Variants in PDE4D observed in about 807,000 individuals in gnomAD.
PDE4D encodes the protein 3',5'-cyclic-AMP phosphodiesterase 4D.
A neutral mutation model predicts 87.4 loss-of-function variants in PDE4D; 24 were observed. That is an observed-to-expected ratio of 0.27 (90% CI 0.20 to 0.39). The LOEUF is 0.39. PDE4D is among the 10% of genes least tolerant of loss of function. The pLI, the probability that PDE4D is intolerant of heterozygous loss-of-function variation, is 1.00. For synonymous variants in PDE4D, 384 were observed against 383.2 expected (o/e 1.00, Z -0.02); for missense variants, 714 against 1,041.0 (o/e 0.69, Z 4.32).
At chr5:58,989,441 G>A (rs979055144) in intron 10 of PDE4D, among the ~76,000 whole-genome samples, 15 of 151,522 alleles carry the variant, frequency 9.9e-5, no homozygotes, top group South Asian at 4.2e-4. Flanking sequence ...AATAAAAGCC[G>A]TCAGACTAGA....
chr5:59,631,198 T>A (rs1002644530), intron 1 of PDE4D, among the ~76,000 whole-genome samples: 1 of 152,190 alleles, frequency 6.6e-6, no homozygotes, highest in Admixed American at 6.5e-5. Context: ...TTATTACAAC[T>A]GCCATCTTCC....
intron 1 of PDE4D, among the ~76,000 whole-genome samples, chr5:59,875,247 G>A (rs957713348): frequency 1.3e-5 from 2 of 151,862 alleles, no homozygotes; most frequent in African/African-American, 4.8e-5. Context: ...GGATCACGAG[G>A]TCAAGAGATT....
Position 59,038,858 on chromosome 5 carries a change from C to T in PDE4D, c.921+1G>A. ...CCAGTGACAGCAGAACCGGGGCTTA[C>T]CTTGTTGGAGGCCATCTCACTGACG... On this transcript the variant is annotated splice_donor_variant, in intron 6 of 14. Transcript: ENST00000340635. LOFTEE classifies it high-confidence loss of function. 6.5e-7 allele frequency: 1 copy of T among 1,545,288 alleles called. No individual in the cohort carries two copies.
chr5:60,337,374 T>TACACACAC (rs1308199009), intron 1 of PDE4D, among the ~76,000 whole-genome samples: 9 of 118,144 alleles, frequency 7.6e-5, no homozygotes, highest in African/African-American at 3.1e-4. Flanking sequence ...TATATATATA[T>TACACACAC]ATATATATAT....
intron 5 of PDE4D, among the ~76,000 whole-genome samples, chr5:59,040,421 C>T (rs189957622): frequency 3.0e-4 from 45 of 152,360 alleles, no homozygotes; most frequent in East Asian, 2.9e-3. Context: ...CTGCATACTA[C>T]TCCTTTCCCC....
chr5:59,939,889 G>A (rs1055390585), intron 3 of PDE4D, among the ~76,000 whole-genome samples: 2 of 152,250 alleles, frequency 1.3e-5, no homozygotes, highest in Admixed American at 1.3e-4. Flanking sequence ...ACTGTGACAT[G>A]GGGAAGTTCC....
intron 1 of PDE4D, among the ~76,000 whole-genome samples, chr5:59,626,028 C>T (rs940443143): frequency 3.3e-5 from 5 of 152,226 alleles, no homozygotes; most frequent in Non-Finnish European, 7.3e-5. Flanking sequence ...GCGGAGCTTG[C>T]AGTGAGCCCA....
intron 1 of PDE4D, among the ~76,000 whole-genome samples, chr5:59,672,118 C>T (rs1747314295): frequency 6.6e-6 from 1 of 152,112 alleles, no homozygotes; most frequent in South Asian, 2.1e-4. Context: ...AAAGTTGAGG[C>T]AGAACCTCAT....
chr5:59,622,060 T>TA (rs1399340820), intron 1 of PDE4D, among the ~76,000 whole-genome samples: 1 of 152,174 alleles, frequency 6.6e-6, no homozygotes, highest in Non-Finnish European at 1.5e-5. Flanking sequence ...CTTCAGAAGA[T>TA]AAAACTTGCC....
chr5:59,858,032 G>T (rs1219763955), intron 1 of PDE4D, among the ~76,000 whole-genome samples: 1 of 151,946 alleles, frequency 6.6e-6, no homozygotes, highest in Non-Finnish European at 1.5e-5. Context: ...GAGGGAGTAG[G>T]GAGGCATGCA....
At chr5:60,262,228 G>A (rs78949727) in intron 1 of PDE4D, among the ~76,000 whole-genome samples, 3,498 of 152,124 alleles carry the variant, frequency 0.023, 97 homozygotes, top group African/African-American at 0.072. Flanking sequence ...AGTTGCTCCC[G>A]TCCCTCAAAC....
chr5:58,990,683 T>A (rs548923470), intron 9 of PDE4D, 121 bp downstream of exon 9: 38 of 594,894 alleles, frequency 6.4e-5, no homozygotes, highest in South Asian at 5.3e-4. Flanking sequence ...CAAATAAGGA[T>A]AAAAGTATAA....
chr5:59,531,681 C>T (rs112245210), intron 1 of PDE4D, among the ~76,000 whole-genome samples: 1 of 152,088 alleles, frequency 6.6e-6, no homozygotes, highest in East Asian at 1.9e-4. Flanking sequence ...CCAAAGCCAA[C>T]AAAGTTGCAT....
At chr5:60,467,951 T>C (rs1419078980) in intron 1 of PDE4D, among the ~76,000 whole-genome samples, 2 of 152,022 alleles carry the variant, frequency 1.3e-5, no homozygotes, top group South Asian at 2.1e-4. Context: ...CTCTGACACA[T>C]AGGGATTACA....
At chr5:60,452,736 C>T (rs936182641) in intron 1 of PDE4D, among the ~76,000 whole-genome samples, 3 of 151,932 alleles carry the variant, frequency 2.0e-5, no homozygotes, top group Non-Finnish European at 2.9e-5. Context: ...AAAAATCACT[C>T]GAAAAAGTAT....
At chr5:59,705,474 T>C (rs1049940204) in intron 1 of PDE4D, among the ~76,000 whole-genome samples, 2 of 152,172 alleles carry the variant, frequency 1.3e-5, no homozygotes, top group African/African-American at 4.8e-5. Flanking sequence ...TCACTTTTCA[T>C]GGACCATTGA....
At chr5:59,471,874 C>T (rs530580933) in intron 1 of PDE4D, among the ~76,000 whole-genome samples, 4 of 152,172 alleles carry the variant, frequency 2.6e-5, no homozygotes, top group South Asian at 2.1e-4. Flanking sequence ...GTAGCTACTC[C>T]GTGATTAAGA....
rs988574836 is a variant in PDE4D at position 59,328,065 on chromosome 5, A to T, written c.456-112097T>A. 2.0e-4 allele frequency among the ~76,000 whole-genome samples: 30 copies of T among 152,206 alleles called. 2 individuals carry two copies. The highest frequency in any genetic ancestry group is 1.2e-3 in the East Asian group (6 of 5,192). On this transcript the variant is annotated intron_variant, in intron 1 of 14. Transcript: ENST00000340635. ...ACATGTGGTCCAAGATCCAAAAGTG[A>T]AGACTAAGAAGAAAAATATATAACA...
At chr5:59,264,865 C>T (rs192724125) in intron 1 of PDE4D, among the ~76,000 whole-genome samples, 147 of 152,142 alleles carry the variant, frequency 9.7e-4, no homozygotes, top group African/African-American at 3.3e-3. Context: ...GCCACAAGAA[C>T]AGACCTAACC....
Sources: allele counts gnomAD v4.1 joint callset (sites outside exome capture counted in the v4.1 genomes callset), GRCh38; gene constraint gnomAD v4.1.1; transcripts MANE v1.5; gene names NCBI Gene and HGNC (gene_info 2026-07-23, HGNC 2026-07-21).